MYRIP: variants seen among roughly 807,000 people sequenced by gnomAD.
MYRIP encodes the protein rab effector MyRIP.
MYRIP carries 49 observed loss-of-function variants against 98.0 expected under a neutral mutation model. The ratio of observed to expected loss-of-function variants is 0.50; its 90% CI spans 0.40 to 0.63. The LOEUF is 0.63. Ranked by LOEUF, MYRIP falls within the 30% of genes least tolerant of loss-of-function variation. MYRIP has a pLI of 0.00. For synonymous variants in MYRIP, 404 were observed against 409.5 expected, an observed-to-expected ratio of 0.99 and a Z score of 0.16; for missense variants, 1,004 against 1,058.2, an observed-to-expected ratio of 0.95 and a Z score of 0.71.
intron 2 of MYRIP, among the ~76,000 whole-genome samples, chr3:39,909,959 C>T (rs563718054): frequency 6.6e-6 from 1 of 151,320 alleles, no homozygotes; most frequent in South Asian, 2.1e-4. Flanking sequence ...TGGTAGATCT[C>T]AGCTCACTGC....
At chr3:40,061,623 T>C (rs1948016583) in intron 3 of MYRIP, among the ~76,000 whole-genome samples, 1 of 152,238 alleles carries the variant, frequency 6.6e-6, no homozygotes, top group African/African-American at 2.4e-5. Flanking sequence ...CTGGGTTGAA[T>C]GGTAGTTCTG....
chr3:40,007,535 A>G (rs573549421), intron 2 of MYRIP, among the ~76,000 whole-genome samples: 5 of 152,306 alleles, frequency 3.3e-5, no homozygotes, highest in Non-Finnish European at 7.4e-5. Flanking sequence ...GTGATGAGAC[A>G]AGATTGACTT....
At chr3:39,945,757 G>A (rs716462) in intron 2 of MYRIP, among the ~76,000 whole-genome samples, 28,954 of 152,026 alleles carry the variant, frequency 0.19, 4,014 homozygotes, top group African/African-American at 0.39. Context: ...AAAGCTTTAA[G>A]ATTTGTGTTA....
chr3:40,017,235 G>T (rs1313186766), intron 2 of MYRIP, among the ~76,000 whole-genome samples: 1 of 152,166 alleles, frequency 6.6e-6, no homozygotes, highest in Non-Finnish European at 1.5e-5. Flanking sequence ...ATCAAACAAG[G>T]CACCTTTCCC....
At chr3:40,094,333 AAG>A (rs55715791) in intron 3 of MYRIP, among the ~76,000 whole-genome samples, 3 of 152,148 alleles carry the variant, frequency 2.0e-5, no homozygotes, top group South Asian at 2.1e-4. Context: ...AATGGAGACT[AAG>A]AGGCTGAGCT....
intron 1 of MYRIP, among the ~76,000 whole-genome samples, chr3:39,843,745 G>GC (rs1941877350): frequency 6.6e-6 from 1 of 152,146 alleles, no homozygotes; most frequent in Admixed American, 6.5e-5. Flanking sequence ...AGAAATCACT[G>GC]CCCCCTCTGT....
At chr3:39,981,909 G>A (rs955631865) in intron 2 of MYRIP, among the ~76,000 whole-genome samples, 4 of 152,062 alleles carry the variant, frequency 2.6e-5, no homozygotes, top group Non-Finnish European at 5.9e-5. Context: ...AAATAAAAGT[G>A]AACTGATTGG....
intron 3 of MYRIP, among the ~76,000 whole-genome samples, chr3:40,089,041 C>T (rs995600799): frequency 1.3e-5 from 2 of 151,918 alleles, no homozygotes; most frequent in African/African-American, 2.4e-5. Flanking sequence ...TGGGCACCTG[C>T]GTAGATGCTG....
Position 39,900,858 on chromosome 3 carries a change from A to C in MYRIP, c.42A>C (p.Glu14Asp), listed in dbSNP as rs958006301. The C allele has an allele frequency of 6.2e-7, 1 of 1,613,824 alleles. No homozygotes were observed. The highest frequency in any genetic ancestry group is 1.3e-5 in the African/African-American group (1 of 74,916). Reference sequence around the variant, plus strand: ...ACCTGTCTGGTTTGACTGATGATGAAACAGAGCATGTTCTTCAGGTGGTTC... The same window carrying C: ...ACCTGTCTGGTTTGACTGATGATGACACAGAGCATGTTCTTCAGGTGGTTC... ...KLDLSGLTDD[E>D]TEHVLQVVQR... Residue 14 changes from glutamate (E) to aspartate (D), a missense_variant, in exon 2 of 17, where the codon GAA becomes GAC. By Grantham distance (45) the Glu-to-Asp change is conservative. This residue lies in a region of MYRIP where 880 missense variants were observed against 907.7 expected (regional missense o/e 0.97). Coordinates refer to ENST00000302541, the MANE Select transcript of MYRIP (RefSeq NM_015460.4).
At chr3:39,809,526 C>G (rs867113962), upstream of MYRIP, 112 of 148,954 alleles carry the variant, frequency 7.5e-4, no homozygotes, top group African/African-American at 2.7e-3. Context: ...CGCGCCCCCG[C>G]CCCGCCTCCG....
chr3:40,218,703 T>A (rs568987662), intron 11 of MYRIP, among the ~76,000 whole-genome samples: 3 of 147,718 alleles, frequency 2.0e-5, no homozygotes, highest in African/African-American at 7.5e-5. Context: ...ACTACAAATG[T>A]ATGAAACTCA....
intron 5 of MYRIP, among the ~76,000 whole-genome samples, chr3:40,165,035 C>T (rs1256503470): frequency 6.6e-6 from 1 of 152,184 alleles, no homozygotes; most frequent in Non-Finnish European, 1.5e-5. Flanking sequence ...TTTGATTCAA[C>T]AAAAATTTGT....
chr3:40,126,033 G>T (rs1300315133), intron 3 of MYRIP, among the ~76,000 whole-genome samples: 1 of 152,222 alleles, frequency 6.6e-6, no homozygotes, highest in African/African-American at 2.4e-5. Flanking sequence ...TGTCAGGGCT[G>T]AAGGATTCTT....
chr3:40,074,289 T>C (rs1948294783), intron 3 of MYRIP, among the ~76,000 whole-genome samples: 1 of 152,078 alleles, frequency 6.6e-6, no homozygotes, highest in Non-Finnish European at 1.5e-5. Context: ...TTAGCCAAGA[T>C]GGTTTCGATC....
At position 39,887,343 on chromosome 3, in the gene MYRIP, G is replaced by A. The variant is rs955399998; in HGVS notation, c.-30-13444G>A. ...AAGGCAAGAAATAACTAAAATCAGA[G>A]CAGAACTGAAGGAAATAGAGACACA... On this transcript the variant is annotated intron_variant, in intron 1 of 16. Coordinates refer to ENST00000302541, the MANE Select transcript of MYRIP (RefSeq NM_015460.4). 1.4e-4 allele frequency among the ~76,000 whole-genome samples: 21 copies of A among 151,908 alleles called. 1 individual carries two copies. In the Middle Eastern group the frequency reaches 0.017, roughly 123 times the overall value.
At chr3:40,138,094 T>C (rs915673377) in intron 3 of MYRIP, among the ~76,000 whole-genome samples, 1 of 152,188 alleles carries the variant, frequency 6.6e-6, no homozygotes, top group African/African-American at 2.4e-5. Flanking sequence ...CACCATAGAA[T>C]CTCCAAGAAC....
At chr3:40,064,244 T>G (rs1948082331) in intron 3 of MYRIP, among the ~76,000 whole-genome samples, 1 of 150,988 alleles carries the variant, frequency 6.6e-6, no homozygotes, top group African/African-American at 2.4e-5. Context: ...TTACCCAAGG[T>G]AATTTTCCAA....
intron 1 of MYRIP, among the ~76,000 whole-genome samples, chr3:39,816,662 A>G (rs1190822233): frequency 6.6e-6 from 1 of 152,204 alleles, no homozygotes; most frequent in African/African-American, 2.4e-5. Flanking sequence ...GCCGGCCCAA[A>G]TGGAGTGGCT....
chr3:40,199,894 C>T (rs1017444284), intron 10 of MYRIP, among the ~76,000 whole-genome samples: 4 of 151,924 alleles, frequency 2.6e-5, no homozygotes, highest in Admixed American at 6.6e-5. Flanking sequence ...CCCCATTCCT[C>T]GCCACTTACC....
Sources: gnomAD v4.1 joint callset for allele counts (sites outside exome capture counted in the v4.1 genomes callset) on GRCh38, gnomAD v4.1.1 for gene constraint, gnomAD v4.1.1 regional missense constraint, MANE v1.5 for transcripts, NCBI Gene and HGNC (gene_info 2026-07-23, HGNC 2026-07-21) for gene names.